NEMF: variants seen among roughly 807,000 people sequenced by gnomAD.
NEMF encodes the protein ribosome quality control complex subunit NEMF.
Under a neutral mutation model 162.2 loss-of-function variants are expected in NEMF, and 89 were observed. The observed-to-expected ratio is 0.55, with a 90% CI of 0.46 to 0.65. NEMF has a LOEUF of 0.65. NEMF is among the 30% of genes least tolerant of loss of function. The probability of loss-of-function intolerance (pLI) is 0.00; values close to 1 mark genes in which losing one functional copy is unlikely to be tolerated. For synonymous variants in NEMF, 421 were observed against 404.5 expected (o/e 1.04, Z -0.49); for missense variants, 1,133 against 1,261.9 (o/e 0.90, Z 1.55).
chr14:49,813,073 C>G (rs1891552820), intron 18 of NEMF, among the ~76,000 whole-genome samples: 1 of 152,134 alleles, frequency 6.6e-6, no homozygotes, highest in African/African-American at 2.4e-5. Flanking sequence ...CCGCATCCAG[C>G]CGAGGCTTGT....
At chr14:49,820,432 T>C (rs1891946560) in intron 16 of NEMF, 4 of 456,702 alleles carry the variant, frequency 8.8e-6, no homozygotes, top group Middle Eastern at 3.3e-4. Flanking sequence ...TTCGCTGAAG[T>C]TCCTTACCCT....
rs985916082 is a variant in NEMF, at chr14:49,828,795, C to A, written c.1245G>T (p.Leu415Phe). Residue 415 changes from leucine (L) to phenylalanine (F), a missense_variant, in exon 14 of 33, where the codon TTG (leucine) becomes TTT (phenylalanine). Transcript: ENST00000298310. Reference protein sequence around the residue: ...HVTMLLRNPYLLSEEEDDDVD... With the variant: ...HVTMLLRNPYFLSEEEDDDVD... ...CATCATCATCTTCCTCCTCTGATAA[C>A]AAGTATGGATTTCTATTAAAAATAT... is the stretch of plus-strand genomic sequence containing the variant. 6.5e-7 allele frequency: 1 copy of A among 1,538,726 alleles called. No individual in the cohort carries two copies. Among genetic ancestry groups the A allele is most frequent in the South Asian group, 1.2e-5 (1 of 80,754 alleles).
At chr14:49,810,161 G>A (rs182898242) in intron 18 of NEMF, among the ~76,000 whole-genome samples, 128 of 152,174 alleles carry the variant, frequency 8.4e-4, no homozygotes, top group Admixed American at 7.1e-3. Flanking sequence ...AAGGTCAAGA[G>A]ATCAAGACCA....
At chr14:49,841,570 CGTCTT>C (rs1406857191) in intron 4 of NEMF, among the ~76,000 whole-genome samples, 3 of 111,760 alleles carry the variant, frequency 2.7e-5, no homozygotes, top group African/African-American at 1.1e-4. Context: ...GCGAAACTCT[CGTCTT>C]AAGAAAAAAA....
chr14:49,785,344 C>G, intron 29 of NEMF, 24 bp from the exon 30 acceptor site: 2 of 1,544,764 alleles, frequency 1.3e-6, no homozygotes, highest in Non-Finnish European at 9.0e-7. Flanking sequence ...ATAACAGTTA[C>G]AAAGGCAATT....
At chr14:49,844,714 TACACACGCACGCGCACGCGCGCGCACAC>T (rs1190342935) in intron 4 of NEMF, 1 of 146,216 alleles carries the variant, frequency 6.8e-6, no homozygotes, top group African/African-American at 2.8e-5. Context: ...TTTATATACA[TACACACGCACGCGCACGCGCGCGCACAC>T]ACACACACAC....
chr14:49,785,889 C>CAAAA (rs5808514), intron 29 of NEMF: 17 of 124,060 alleles, frequency 1.4e-4, no homozygotes, highest in Admixed American at 2.6e-4. Context: ...GACCCTGTCT[C>CAAAA]AAAAAAAAAA....
At chr14:49,819,338 C>A (rs1248500385) in intron 16 of NEMF, among the ~76,000 whole-genome samples, 2 of 151,628 alleles carry the variant, frequency 1.3e-5, no homozygotes, top group Admixed American at 6.6e-5. Flanking sequence ...TGTTAATGTG[C>A]TTGACTGTTT....
chr14:49,849,295 T>C (rs1187586696), intron 3 of NEMF, among the ~76,000 whole-genome samples: 2 of 152,102 alleles, frequency 1.3e-5, no homozygotes, highest in Non-Finnish European at 2.9e-5. Context: ...CACAAAGGAA[T>C]AGTAAAAAGG....
At chr14:49,823,265 T>A (rs1892174868) in intron 16 of NEMF, among the ~76,000 whole-genome samples, 1 of 151,758 alleles carries the variant, frequency 6.6e-6, no homozygotes, top group Non-Finnish European at 1.5e-5. Flanking sequence ...TTTAAAAAAA[T>A]TTAAAAAGAA....
intron 25 of NEMF, among the ~76,000 whole-genome samples, chr14:49,798,831 C>T (rs1890812528): frequency 6.6e-6 from 1 of 151,726 alleles, no homozygotes; most frequent in African/African-American, 2.4e-5. Context: ...GGCGTGAACC[C>T]GGGAGGTGGG....
chr14:49,850,387 C>G (rs555769172), intron 3 of NEMF, among the ~76,000 whole-genome samples: 38 of 152,160 alleles, frequency 2.5e-4, no homozygotes, highest in Admixed American at 1.2e-3. Flanking sequence ...CGCACCTGGT[C>G]TGTTTTAGGT....
Position 49,829,314 on chromosome 14 carries a change from T to C in NEMF, c.1023+35A>G, listed in dbSNP as rs775172536. 9 of 1,613,598 alleles carry C rather than the reference T, an allele frequency of 5.6e-6. No individual in the cohort carries two copies. The South Asian group carries it at 9.9e-5, about 18-fold the overall frequency. The stretch of plus-strand genomic sequence containing the variant: ...CTACATTGCCAGTTAAAGTTAACAT[T>C]TTTGAAAAAGCACTGAGAAAGCCAA... On this transcript the variant is annotated intron_variant, in intron 12 of 32. Transcript: ENST00000298310.
intron 4 of NEMF, among the ~76,000 whole-genome samples, chr14:49,845,759 A>T (rs749888103): frequency 8.5e-5 from 13 of 152,232 alleles, no homozygotes; most frequent in Non-Finnish European, 2.9e-5. Flanking sequence ...ACAATGTTAC[A>T]GGACCAACGT....
At chr14:49,786,467 T>G in intron 29 of NEMF, 2 of 496,148 alleles carry the variant, frequency 4.0e-6, no homozygotes, top group Non-Finnish European at 7.1e-6. Flanking sequence ...CATACATTAG[T>G]TATCAAAACA....
intron 26 of NEMF, among the ~76,000 whole-genome samples, chr14:49,794,790 C>T (rs2139840235): frequency 6.8e-6 from 1 of 147,234 alleles, no homozygotes; most frequent in East Asian, 2.0e-4. Context: ...GTGATCTTGG[C>T]TCACTGCAAC....
chr14:49,842,467 C>A (rs1467147177), intron 4 of NEMF, among the ~76,000 whole-genome samples: 1 of 152,150 alleles, frequency 6.6e-6, no homozygotes, highest in African/African-American at 2.4e-5. Flanking sequence ...AAGAATACCA[C>A]CTTCCAAATT....
At chr14:49,836,547 T>C (rs1477219024) in intron 6 of NEMF, among the ~76,000 whole-genome samples, 1 of 151,772 alleles carries the variant, frequency 6.6e-6, no homozygotes, top group Non-Finnish European at 1.5e-5. Flanking sequence ...CTTGTGGGGC[T>C]GAGGCAGGAG....
chr14:49,809,783 C>T (rs1037718148), intron 18 of NEMF, among the ~76,000 whole-genome samples: 1 of 151,902 alleles, frequency 6.6e-6, no homozygotes, highest in African/African-American at 2.4e-5. Flanking sequence ...ATCGCTTGAA[C>T]CTGGGAGGCA....
Sources: gnomAD v4.1 joint callset for allele counts (sites outside exome capture counted in the v4.1 genomes callset) on GRCh38, gnomAD v4.1.1 for gene constraint, MANE v1.5 for transcripts, NCBI Gene and HGNC (gene_info 2026-07-23, HGNC 2026-07-21) for gene names.